The following TMEM39B variants were observed in gnomAD, a reference collection of about 807,000 sequenced individuals.
TMEM39B encodes the protein transmembrane protein 39B.
A neutral mutation model predicts 52.2 loss-of-function variants in TMEM39B; 23 were observed. That is an observed-to-expected ratio of 0.44 (90% CI 0.32 to 0.62). TMEM39B has a LOEUF of 0.62. Among genes scored for constraint, TMEM39B ranks in the 20% least tolerant of loss-of-function variants. TMEM39B has a pLI of 0.06. For missense variants in TMEM39B, 547 were observed against 642.0 expected, an observed-to-expected ratio of 0.85 and a Z score of 1.60; for synonymous variants, 285 against 264.0, an observed-to-expected ratio of 1.08 and a Z score of -0.77.
chr1:32,076,908 A>C (rs1639886437), intron 4 of TMEM39B, 62 bp downstream of exon 4: 4 of 1,559,738 alleles, frequency 2.6e-6, no homozygotes, highest in Non-Finnish European at 2.7e-6. Flanking sequence ...TGGGGATGCC[A>C]AGGAAACATG....
chr1:32,091,249 G>A (rs1298850029), intron 5 of TMEM39B, among the ~76,000 whole-genome samples: 1 of 152,010 alleles, frequency 6.6e-6, no homozygotes, highest in Non-Finnish European at 1.5e-5. Context: ...CTGAGCCAAG[G>A]CTTCCTCAGC....
Position 32,094,901 on chromosome 1 carries a change from A to G in TMEM39B, c.1045A>G (p.Lys349Glu). 6.2e-7 allele frequency: 1 copy of G among 1,614,058 alleles called. No individual in the cohort carries two copies. The highest frequency in any genetic ancestry group is 8.5e-7 in the Non-Finnish European group (1 of 1,180,038). ...LPASYCDLLH[K>E]AAAHLGCWQK... The stretch of plus-strand genomic sequence containing the variant: ...TGCCAGCTACTGTGACCTGCTGCAC[A>G]AGGCCGCCGCCCATCTGGGCTGTTG... Residue 349 changes from lysine (K) to glutamate (E), a missense_variant, in exon 7 of 9, where the codon AAG becomes GAG. Physicochemically the swap from Lys to Glu is moderately conservative, Grantham distance 56. Coordinates refer to ENST00000336294, the MANE Select transcript of TMEM39B (RefSeq NM_018056.4).
intron 7 of TMEM39B, among the ~76,000 whole-genome samples, chr1:32,098,536 T>G (rs1469766972): frequency 6.6e-6 from 1 of 151,290 alleles, no homozygotes; most frequent in East Asian, 2.0e-4. Context: ...ATCGAGGCCA[T>G]CCTGGCTAAC....
chr1:32,080,943 T>A (rs1640068933), intron 5 of TMEM39B, among the ~76,000 whole-genome samples: 1 of 152,008 alleles, frequency 6.6e-6, no homozygotes, highest in East Asian at 1.9e-4. Context: ...GGTGAGAAGA[T>A]TGCTTTAGCT....
intron 3 of TMEM39B, 98 bp from the exon 4 acceptor site, chr1:32,076,665 T>G: frequency 8.1e-7 from 1 of 1,227,646 alleles, no homozygotes; most frequent in African/African-American, 1.5e-5. Context: ...ATGAGGACAG[T>G]CTCTGTGGAA....
At chr1:32,076,103 CTTTTT>C (rs1178215057) in intron 3 of TMEM39B, 6 of 76,240 alleles carry the variant, frequency 7.9e-5, no homozygotes, top group East Asian at 4.9e-4. Flanking sequence ...TTCTTTTCTT[CTTTTT>C]TTTTTTTTTT....
rs1639838379 is a variant in TMEM39B at position 32,075,909 on chromosome 1, G to A, written c.351+87G>A. On this transcript the variant is annotated intron_variant, in intron 3 of 8. Coordinates refer to ENST00000336294, the MANE Select transcript of TMEM39B (RefSeq NM_018056.4). ...GTGTGTTTCTTTTGGTTTCAGTTTA[G>A]CATATCCTACTAAGCACCACTGTGC... 17 of 934,734 alleles carry A rather than the reference G, an allele frequency of 1.8e-5. No homozygotes were observed. In the South Asian group the frequency reaches 2.4e-4, roughly 13 times the overall value. The allele number at this position is 934,734 out of a possible 1,614,324, so 57.9% of individuals were successfully genotyped here. A position where few individuals can be genotyped will look rare whatever the true frequency, so the allele number is the denominator to read the frequency against.
chr1:32,077,541 A>T (rs998918877), intron 5 of TMEM39B, among the ~76,000 whole-genome samples: 15 of 152,156 alleles, frequency 9.9e-5, no homozygotes, highest in African/African-American at 3.1e-4. Context: ...ACTATGGGGG[A>T]GGTCAGAATG....
At chr1:32,084,574 G>GT (rs1640256959) in intron 5 of TMEM39B, among the ~76,000 whole-genome samples, 2 of 150,692 alleles carry the variant, frequency 1.3e-5, no homozygotes, top group South Asian at 2.1e-4. Flanking sequence ...CTTTTTTTTT[G>GT]TTTTTTTATT....
chr1:32,075,513 C>G, intron 2 of TMEM39B, 90 bp from the exon 3 acceptor site: 1 of 1,366,286 alleles, frequency 7.3e-7, no homozygotes, highest in African/African-American at 1.4e-5. Context: ...AGCTGCTTTT[C>G]TGATCTTATC....
At chr1:32,077,869 C>A (rs1025954195) in intron 5 of TMEM39B, among the ~76,000 whole-genome samples, 1 of 152,196 alleles carries the variant, frequency 6.6e-6, no homozygotes, top group Non-Finnish European at 1.5e-5. Flanking sequence ...CTCCGTCTCA[C>A]CAGACCCTAG....
At position 32,102,646 on chromosome 1, in the gene TMEM39B, G is replaced by T. The variant is rs41263987; in HGVS notation, c.1452G>T (p.Gln484His). The change falls in exon 9 of 9, where the codon CAG becomes CAT. Residue 484 changes from glutamine (Q) to histidine (H), a missense_variant. Physicochemically the swap from Gln to His is conservative, Grantham distance 24. Transcript: ENST00000336294. ...GKAYSYSASP[Q>H]RDLDHRFS ...CCTACTCATACTCTGCTAGCCCCCA[G>T]AGAGACCTGGACCACCGTTTCTCCT... 931 of 1,597,178 alleles carry T rather than the reference G, an allele frequency of 5.8e-4. No individual in the cohort carries two copies. Among genetic ancestry groups the T allele is most frequent in the Non-Finnish European group, 7.0e-4 (825 of 1,170,274 alleles).
chr1:32,089,467 T>TA (rs1167631831), intron 5 of TMEM39B, among the ~76,000 whole-genome samples: 1 of 151,828 alleles, frequency 6.6e-6, no homozygotes, highest in African/African-American at 2.4e-5. Flanking sequence ...TGTTTGACCC[T>TA]AAAGGTTGTG....
At chr1:32,077,800 A>C (rs1289046273) in intron 5 of TMEM39B, among the ~76,000 whole-genome samples, 1 of 151,986 alleles carries the variant, frequency 6.6e-6, no homozygotes, top group Non-Finnish European at 1.5e-5. Context: ...TGCATGAAGC[A>C]TGTGTGTGTG....
At chr1:32,073,426 G>C (rs1310362209) in intron 1 of TMEM39B, 4 of 578,308 alleles carry the variant, frequency 6.9e-6, no homozygotes, top group African/African-American at 5.9e-5. Flanking sequence ...GGTTACACTG[G>C]GGGCGGTGGA....
In TMEM39B at chr1:32,091,794, A is replaced by G; in HGVS notation, c.710A>G (p.Asp237Gly). ...EAVSGLAKSR[D>G]YLLTLRETWK... ...GTCAGTGGCCTGGCAAAGAGCCGGG[A>G]CTACCTCCTGACACTGCGGGAGACG... The change falls in exon 6 of 9, where the codon GAC becomes GGC. Residue 237 changes from aspartate to glycine, a missense_variant. By Grantham distance (94) the Asp-to-Gly change is moderately conservative. Coordinates refer to ENST00000336294, the MANE Select transcript of TMEM39B (RefSeq NM_018056.4). 3.1e-6 allele frequency: 5 copies of G among 1,614,198 alleles called. No homozygotes were observed. The South Asian group carries it at 5.5e-5, about 18-fold the overall frequency.
intron 5 of TMEM39B, among the ~76,000 whole-genome samples, chr1:32,091,465 C>G (rs530236737): frequency 3.3e-5 from 5 of 152,342 alleles, no homozygotes; most frequent in African/African-American, 1.2e-4. Context: ...TGCTATACCC[C>G]TAGTGCTTGG....
At chr1:32,073,531 C>T in intron 1 of TMEM39B, 2 of 996,690 alleles carry the variant, frequency 2.0e-6, no homozygotes, top group Non-Finnish European at 2.4e-6. Flanking sequence ...TCTGGGCTGA[C>T]AGTTGTGTGT....
intron 5 of TMEM39B, among the ~76,000 whole-genome samples, chr1:32,086,650 C>T (rs557031573): frequency 6.6e-6 from 1 of 152,076 alleles, no homozygotes; most frequent in Admixed American, 6.6e-5. Context: ...ACCTGTAGTC[C>T]CAGCTACTTT....
Sources: gnomAD v4.1 joint callset for allele counts (sites outside exome capture counted in the v4.1 genomes callset) on GRCh38, gnomAD v4.1.1 for gene constraint, MANE v1.5 for transcripts, NCBI Gene and HGNC (gene_info 2026-07-23, HGNC 2026-07-21) for gene names.